Variants in AKAP8 observed in about 807,000 individuals in gnomAD.
AKAP8 encodes the protein A-kinase anchoring protein 8.
Under a neutral mutation model 67.5 loss-of-function variants are expected in AKAP8, and 24 were observed. The observed-to-expected ratio is 0.36, with a 90% CI of 0.26 to 0.50. The LOEUF is 0.50. Ranked by LOEUF, AKAP8 falls within the 20% of genes least tolerant of loss-of-function variation. The pLI is 0.97. For synonymous variants in AKAP8, 400 were observed against 371.1 expected (o/e 1.08, Z -0.90); for missense variants, 971 against 955.9 (o/e 1.02, Z -0.21).
chr19:15,366,125 G>A (rs1169068229), intron 9 of AKAP8, among the ~76,000 whole-genome samples: 18 of 27,368 alleles, frequency 6.6e-4, no homozygotes, highest in African/African-American at 1.1e-3. Flanking sequence ...TTCATTGGAA[G>A]AACATACAAG....
intron 6 of AKAP8, 96 bp from the exon 7 acceptor site, chr19:15,372,094 G>A: frequency 6.2e-7 from 1 of 1,608,448 alleles, no homozygotes; most frequent in Non-Finnish European, 8.5e-7. Context: ...AGTCTGCCCT[G>A]ACCACAGTGG....
chr19:15,368,862 A>C (rs1221759553), intron 8 of AKAP8: 1 of 985,154 alleles, frequency 1.0e-6, no homozygotes, highest in African/African-American at 1.7e-5. Flanking sequence ...TTCCACTCAC[A>C]AAAACCGTCA....
chr19:15,379,135 C>G (rs1967318185), intron 1 of AKAP8: 1 of 152,918 alleles, frequency 6.5e-6, no homozygotes, highest in Admixed American at 6.5e-5. Flanking sequence ...ACTAAAGGCC[C>G]GACCCCGCGC....
chr19:15,377,557 C>T (rs1967274781), intron 1 of AKAP8, among the ~76,000 whole-genome samples: 1 of 152,198 alleles, frequency 6.6e-6, no homozygotes, highest in Non-Finnish European at 1.5e-5. Context: ...CAAGCTCCGC[C>T]TCCTGGGTTC....
chr19:15,354,871 G>A lies in AKAP8; in HGVS notation c.*44C>T, dbSNP rs576732307. On this transcript the variant is annotated 3_prime_UTR_variant, in exon 14 of 14. Transcript: ENST00000269701. Reference sequence around the variant, plus strand: ...TACAAACCAAGGGAGAAAGACCAACGCATCCATCATCCCAACGCCTTCCCT... The same window carrying A: ...TACAAACCAAGGGAGAAAGACCAACACATCCATCATCCCAACGCCTTCCCT... The A allele has an allele frequency of 1.1e-5, 17 of 1,595,758 alleles. No homozygotes were observed. Among genetic ancestry groups the A allele is most frequent in the African/African-American group, 5.4e-5 (4 of 74,640 alleles).
At chr19:15,362,309 G>A in intron 9 of AKAP8, 58 bp from the exon 10 acceptor site, 4 of 1,594,448 alleles carry the variant, frequency 2.5e-6, no homozygotes, top group Non-Finnish European at 2.6e-6. Context: ...GTGAAGCAGG[G>A]GGCATCAGCT....
In AKAP8 at chr19:15,368,322, C is replaced by T. The variant is rs1967101472; in HGVS notation, c.1073G>A (p.Gly358Glu). 1.2e-6 allele frequency: 2 copies of T among 1,613,550 alleles called. No homozygotes were observed. The highest frequency in any genetic ancestry group is 2.2e-5 in the South Asian group (2 of 91,094). Residue 358 changes from glycine to glutamate, a missense_variant and splice_region_variant, in exon 9 of 14, where the codon GGA (glycine) becomes GAA (glutamate). Physicochemically the swap from Gly to Glu is moderately conservative, Grantham distance 98. Transcript: ENST00000269701. ...ATCCTCGTCCTCGTCCTCCTTCTCT[C>T]CTGTAACAGACAAGTCCCTTCGAGA... ...DELCDSGRQR[G>E]EKEDEDEDVK...
chr19:15,370,312 C>T, intron 7 of AKAP8, 133 bp from the exon 8 acceptor site: 1 of 991,878 alleles, frequency 1.0e-6, no homozygotes, highest in South Asian at 1.4e-5. Flanking sequence ...CAAGAATGAG[C>T]CACAGTGTGT....
chr19:15,378,221 G>T (rs139244471), intron 1 of AKAP8, among the ~76,000 whole-genome samples: 2 of 152,100 alleles, frequency 1.3e-5, no homozygotes, highest in African/African-American at 4.8e-5. Context: ...CTTCCCCTCC[G>T]TCATACCGCA....
rs1230982032 is a variant in AKAP8, at chr19:15,373,905, T to C, written c.252A>G (p.Pro84=). Reference sequence around the variant, plus strand: ...TGAGGGAGTCGGAATTGTCGGTGCATGGCTCTGGGCCGTAAGAGGCCATGT... The same window carrying C: ...TGAGGGAGTCGGAATTGTCGGTGCACGGCTCTGGGCCGTAAGAGGCCATGT... The part of the protein sequence containing the change: ...AMHMASYGPE[P]CTDNSDSLIA... Residue 84 remains proline (P), a synonymous_variant, in exon 4 of 14, where the codon CCA becomes CCG. Coordinates refer to ENST00000269701, the MANE Select transcript of AKAP8 (RefSeq NM_005858.4). 4 of 1,613,646 alleles carry C rather than the reference T, an allele frequency of 2.5e-6. No homozygotes were observed. The highest frequency in any genetic ancestry group is 3.4e-6 in the Non-Finnish European group (4 of 1,179,968).
At chr19:15,363,045 C>G (rs1353311935) in intron 9 of AKAP8, among the ~76,000 whole-genome samples, 1 of 150,998 alleles carries the variant, frequency 6.6e-6, no homozygotes, top group Admixed American at 6.6e-5. Flanking sequence ...CTCTGCCTGG[C>G]CGCCCTGTCT....
At position 15,370,187 on chromosome 19, in the gene AKAP8, A is replaced by G. The variant is rs1330568928; in HGVS notation, c.1039-8T>C. On this transcript the variant is annotated splice_polypyrimidine_tract_variant and splice_region_variant and intron_variant, in intron 7 of 13. Transcript: ENST00000269701. ...GTCGCAGAGTTCATCCTCCTGGAAAAGAGTATACACAAAGTCCGGCAGTGA... is the reference window on the plus strand; with the variant it reads ...GTCGCAGAGTTCATCCTCCTGGAAAGGAGTATACACAAAGTCCGGCAGTGA... 2 of 1,613,916 alleles carry G rather than the reference A, an allele frequency of 1.2e-6. No individual in the cohort carries two copies. Among genetic ancestry groups the G allele is most frequent in the Non-Finnish European group, 1.7e-6 (2 of 1,179,990 alleles).
chr19:15,365,630 G>A (rs1002125440), intron 9 of AKAP8, among the ~76,000 whole-genome samples: 19 of 152,302 alleles, frequency 1.2e-4, no homozygotes, highest in South Asian at 8.3e-4. Context: ...ACAATCTCCC[G>A]GGGCTCATAC....
At chr19:15,360,772 T>G (rs1176221990) in intron 12 of AKAP8, 76 bp downstream of exon 12, 3 of 1,508,906 alleles carry the variant, frequency 2.0e-6, no homozygotes, top group Admixed American at 2.1e-5. Flanking sequence ...ATGTTGTTAT[T>G]CCCCATAAGA....
At chr19:15,361,636 G>A in intron 11 of AKAP8, 93 bp downstream of exon 11, 1 of 1,122,630 alleles carries the variant, frequency 8.9e-7, no homozygotes, top group Admixed American at 1.8e-5. Context: ...ACAGGTGTGA[G>A]CCACCGTGCC....
chr19:15,361,749 G>C lies in AKAP8; in HGVS notation c.1376C>G (p.Pro459Arg). 1 of 1,613,416 alleles carries C rather than the reference G, an allele frequency of 6.2e-7. No homozygotes were observed. The highest frequency in any genetic ancestry group is 1.1e-5 in the South Asian group (1 of 91,070). Residue 459 changes from proline to arginine, a missense_variant, in exon 11 of 14, where the codon CCA becomes CGA. Around this residue, in one of 3 missense-constraint regions of AKAP8, gnomAD observed 763 missense variants for 745.4 expected, o/e 1.02. Coordinates refer to ENST00000269701, the MANE Select transcript of AKAP8 (RefSeq NM_005858.4). ...QELMEKETAK[P>R]KPDPFKGIGQ... ...CTCACCTTTGAAAGGATCTGGTTTT[G>C]GTTTTGCGGTTTCTTTCTCCATCAA...
chr19:15,375,593 C>G (rs10419500), intron 2 of AKAP8, among the ~76,000 whole-genome samples: 124,193 of 151,602 alleles, frequency 0.82, 51,424 homozygotes, highest in East Asian at 0.99. Flanking sequence ...ATCAACATTG[C>G]CTGATTAATT....
rs1599552659 is a variant in AKAP8, at chr19:15,354,322, G to A, written c.*593C>T. ...CAGTCTGGTTCTTGAGGTTGCGGTG[G>A]GTGTGTTTCCAGTGGCGTAGGTCGG... On this transcript the variant is annotated 3_prime_UTR_variant, in exon 14 of 14. Coordinates refer to ENST00000269701, the MANE Select transcript of AKAP8 (RefSeq NM_005858.4). The A allele has an allele frequency of 6.5e-6, 1 of 154,446 alleles. No homozygotes were observed. The highest frequency in any genetic ancestry group is 1.4e-5 in the Non-Finnish European group (1 of 69,486). The allele number at this position is 154,446 out of a possible 1,614,324, so 9.6% of individuals were successfully genotyped here.
rs1337939452 is a variant in AKAP8, at chr19:15,372,724, A to G, written c.861+127T>C. 6 of 1,302,972 alleles carry G rather than the reference A, an allele frequency of 4.6e-6. No individual in the cohort carries two copies. The East Asian group carries it at 1.1e-4, about 23-fold the overall frequency. The allele number at this position is 1,302,972 out of a possible 1,614,324, so 80.7% of individuals were successfully genotyped here. On this transcript the variant is annotated intron_variant, in intron 5 of 13. Coordinates refer to ENST00000269701, the MANE Select transcript of AKAP8 (RefSeq NM_005858.4). ...TGGGGATGGTTGCACAATCCTGTAA[A>G]TTAACTAAAAGTCGAACTGCGCACT...
Sources: allele counts gnomAD v4.1 joint callset (sites outside exome capture counted in the v4.1 genomes callset), GRCh38; gene constraint gnomAD v4.1.1; regional missense constraint gnomAD v4.1.1; transcripts MANE v1.5; gene names NCBI Gene and HGNC (gene_info 2026-07-23, HGNC 2026-07-21).